The following E2F3 variants were observed in gnomAD, a reference collection of about 807,000 sequenced individuals.
The protein encoded by E2F3 is transcription factor E2F3.
A neutral mutation model predicts 44.4 loss-of-function variants in E2F3; 11 were observed. That is an observed-to-expected ratio of 0.25 (90% CI 0.16 to 0.41). E2F3 has a LOEUF of 0.41. Ranked by LOEUF, E2F3 falls within the 10% of genes least tolerant of loss-of-function variation. The pLI is 1.00. For missense variants in E2F3, 487 were observed against 583.6 expected (o/e 0.83, Z 1.70); for synonymous variants, 249 against 253.0 (o/e 0.98, Z 0.15).
chr6:20,481,385 C>T lies in E2F3; in HGVS notation c.685C>T (p.His229Tyr). 3 of 1,614,054 alleles carry T rather than the reference C, an allele frequency of 1.9e-6. No homozygotes were observed. The highest frequency in any genetic ancestry group is 2.5e-6 in the Non-Finnish European group (3 of 1,180,032). ...TATCACCAACGTTCTGGAAGGCATC[C>T]ACCTCATTAAGAAGAAGTCTAAAAA... ...YDITNVLEGIHLIKKKSKNNV... is the reference protein window; with the variant it reads ...YDITNVLEGIYLIKKKSKNNV... The change falls in exon 3 of 7, where the codon CAC (histidine) becomes TAC (tyrosine). Residue 229 changes from histidine (H) to tyrosine (Y), a missense_variant. This residue lies in a region of E2F3 where 29 missense variants were observed against 85.9 expected (regional missense o/e 0.34). Coordinates refer to ENST00000346618, the MANE Select transcript of E2F3 (RefSeq NM_001949.5).
At chr6:20,469,699 A>G (rs1761828485) in intron 1 of E2F3, among the ~76,000 whole-genome samples, 1 of 152,168 alleles carries the variant, frequency 6.6e-6, no homozygotes, top group Non-Finnish European at 1.5e-5. Flanking sequence ...AGAAATCAAA[A>G]GAAGAAAAAT....
chr6:20,426,172 T>A (rs1760209093), intron 1 of E2F3, among the ~76,000 whole-genome samples: 1 of 152,254 alleles, frequency 6.6e-6, no homozygotes, highest in African/African-American at 2.4e-5. Flanking sequence ...GAATTTCTCA[T>A]GTGCATGTAA....
At chr6:20,430,828 C>A (rs547725351) in intron 1 of E2F3, among the ~76,000 whole-genome samples, 3 of 152,230 alleles carry the variant, frequency 2.0e-5, no homozygotes, top group Admixed American at 6.5e-5. Flanking sequence ...AGTTTGAGAC[C>A]AGCCTGGTCA....
rs541138481 is a variant in E2F3, at chr6:20,435,835, TTTG to T, written c.393+33216_393+33218del. Among the ~76,000 whole-genome samples the T allele has an allele frequency of 2.6e-5, 4 of 152,326 alleles. 1 individual carries two copies. In the South Asian group the frequency reaches 6.2e-4, roughly 24 times the overall value. On this transcript the variant is annotated intron_variant, in intron 1 of 6. Transcript: ENST00000346618. ...CTGGAGGTAAGAAAAAGGTGCTCCTTTTGTTGTTATATAACAACAATAAACATT... is the reference window on the plus strand; with the variant it reads ...CTGGAGGTAAGAAAAAGGTGCTCCTTTTGTTATATAACAACAATAAACATT...
At chr6:20,486,079 C>G (rs1762382314) in intron 4 of E2F3, among the ~76,000 whole-genome samples, 1 of 152,162 alleles carries the variant, frequency 6.6e-6, no homozygotes, top group Admixed American at 6.5e-5. Flanking sequence ...GATAAAATTT[C>G]TGACCACTTA....
chr6:20,458,279 G>A (rs915496642), intron 1 of E2F3, among the ~76,000 whole-genome samples: 18 of 152,136 alleles, frequency 1.2e-4, no homozygotes, highest in African/African-American at 4.3e-4. Context: ...AATCGCGTGT[G>A]CTTTTTCTAC....
chr6:20,434,188 A>G (rs906071455), intron 1 of E2F3, among the ~76,000 whole-genome samples: 1 of 152,218 alleles, frequency 6.6e-6, no homozygotes, highest in African/African-American at 2.4e-5. Flanking sequence ...TTAATTAAAA[A>G]CAGCCTAAAT....
intron 3 of E2F3, among the ~76,000 whole-genome samples, chr6:20,482,430 C>T (rs1217411748): frequency 6.0e-5 from 9 of 149,800 alleles, no homozygotes; most frequent in Admixed American, 6.0e-4. Context: ...CCCCCACCAC[C>T]TGGGAGCCAT....
intron 1 of E2F3, among the ~76,000 whole-genome samples, chr6:20,414,180 A>G (rs1759766746): frequency 6.6e-6 from 1 of 152,252 alleles, no homozygotes. Context: ...ATGGTGCCAC[A>G]AAAACCTTTC....
chr6:20,403,755 C>A, intron 1 of E2F3: 9 of 1,489,254 alleles, frequency 6.0e-6, no homozygotes, highest in Non-Finnish European at 8.0e-6. Flanking sequence ...CTGTTCGGCC[C>A]TCCGGGCCCC....
intron 4 of E2F3, among the ~76,000 whole-genome samples, chr6:20,486,203 T>C (rs777379676): frequency 2.6e-5 from 4 of 152,238 alleles, no homozygotes; most frequent in Non-Finnish European, 4.4e-5. Context: ...ATTTCTTTAG[T>C]TGTTTAGAGT....
intron 1 of E2F3, chr6:20,437,876 C>T (rs1760644875): frequency 6.6e-6 from 1 of 152,210 alleles, no homozygotes; most frequent in Non-Finnish European, 1.5e-5. Flanking sequence ...GGAGAGCAGC[C>T]TTCGTGGCTA....
Position 20,491,099 on chromosome 6 carries a change from T to C in E2F3, c.*669T>C, listed in dbSNP as rs1762541478. The C allele has an allele frequency of 4.3e-6, 1 of 231,532 alleles. No homozygotes were observed. The highest frequency in any genetic ancestry group is 8.6e-6 in the Non-Finnish European group (1 of 116,592). The allele number at this position is 231,532 out of a possible 1,614,324, so 14.3% of individuals were successfully genotyped here. A position where few individuals can be genotyped will look rare whatever the true frequency, so the allele number is the denominator to read the frequency against. On this transcript the variant is annotated 3_prime_UTR_variant, in exon 7 of 7. Transcript: ENST00000346618. ...ACTTGTTGCAGATACAGAAGACTAG[T>C]AGAGTTCTGCCACTCTAAGCTGTTG...
Position 20,482,743 on chromosome 6 carries a change from T to C in E2F3, c.726-19T>C, listed in dbSNP as rs1001714229. 6 of 1,575,446 alleles carry C rather than the reference T, an allele frequency of 3.8e-6. No homozygotes were observed. In the African/African-American group the frequency reaches 8.2e-5, roughly 21 times the overall value. ...CCCTCCCATGAGTAGCCATGAAGAG[T>C]CTGTGTTTGGGTTTCTAGGGGCTGC... On this transcript the variant is annotated intron_variant, in intron 3 of 6. Transcript: ENST00000346618.
chr6:20,428,144 T>G (rs973625087), intron 1 of E2F3, among the ~76,000 whole-genome samples: 1 of 152,248 alleles, frequency 6.6e-6, no homozygotes, highest in Admixed American at 6.5e-5. Flanking sequence ...GCTTGGACTT[T>G]GGAGTTTAAA....
chr6:20,436,020 G>T (rs1581598169), intron 1 of E2F3, among the ~76,000 whole-genome samples: 2 of 142,754 alleles, frequency 1.4e-5, no homozygotes, highest in East Asian at 2.0e-4. Context: ...TCTCTCTGTT[G>T]CCCAGGCTGG....
intron 1 of E2F3, among the ~76,000 whole-genome samples, chr6:20,423,494 A>T (rs1275544851): frequency 1.3e-5 from 2 of 152,122 alleles, no homozygotes; most frequent in Non-Finnish European, 2.9e-5. Context: ...TTTTGAGACC[A>T]AGTCTTGCTC....
At chr6:20,422,488 C>T (rs1034691714) in intron 1 of E2F3, among the ~76,000 whole-genome samples, 12 of 152,250 alleles carry the variant, frequency 7.9e-5, no homozygotes, top group African/African-American at 2.9e-4. Flanking sequence ...TTCACATTCA[C>T]AACCTGGCTA....
rs117752740 is a variant in E2F3, at chr6:20,436,823, C to T, written c.393+34198C>T. ...TAGAGAGTGGGGAACATCTTTCATA[C>T]TTTTTAAAACATCAGGCCAGGTGCA... On this transcript the variant is annotated intron_variant, in intron 1 of 6. Transcript: ENST00000346618. Among the ~76,000 whole-genome samples, 995 of 152,248 alleles carry T rather than the reference C, an allele frequency of 6.5e-3. 26 individuals carry two copies. The highest frequency in any genetic ancestry group is 0.054 in the Admixed American group (821 of 15,286).
Sources: gnomAD v4.1 joint callset for allele counts (sites outside exome capture counted in the v4.1 genomes callset) on GRCh38, gnomAD v4.1.1 for gene constraint, gnomAD v4.1.1 regional missense constraint, MANE v1.5 for transcripts, NCBI Gene and HGNC (gene_info 2026-07-23, HGNC 2026-07-21) for gene names.